Variants in ZBTB1 observed in about 807,000 individuals in gnomAD.
The protein encoded by ZBTB1 is zinc finger and BTB domain-containing protein 1.
ZBTB1 carries 13 observed loss-of-function variants against 51.6 expected under a neutral mutation model. The ratio of observed to expected loss-of-function variants is 0.25; its 90% CI spans 0.16 to 0.40. The LOEUF (loss-of-function observed/expected upper bound fraction) is 0.40, where lower values mean the gene tolerates loss of function less well. ZBTB1 is among the 10% of genes least tolerant of loss of function. The probability of loss-of-function intolerance (pLI) is 1.00; values close to 1 mark genes in which losing one functional copy is unlikely to be tolerated. For synonymous variants in ZBTB1, 240 were observed against 282.2 expected (o/e 0.85, Z 1.50); for missense variants, 567 against 856.5 (o/e 0.66, Z 4.22).
intron 1 of ZBTB1, among the ~76,000 whole-genome samples, chr14:64,517,781 A>ATATATATATATATTTTTTTTTTT (rs1160337478): frequency 4.8e-5 from 2 of 41,550 alleles, no homozygotes; most frequent in Non-Finnish European, 9.2e-5. Flanking sequence ...ATATATATAT[A>ATATATATATATATTTTTTTTTTT]TTTTTTTTTT....
At chr14:64,507,377 G>GT (rs1403957614) in intron 1 of ZBTB1, among the ~76,000 whole-genome samples, 1 of 152,142 alleles carries the variant, frequency 6.6e-6, no homozygotes, top group Non-Finnish European at 1.5e-5. Context: ...AAATGGAAAT[G>GT]TTTTTTATTA....
At chr14:64,531,862 G>T (rs2079944235) in exon 3 of ZBTB1, 1 of 1,613,592 alleles carries the variant, frequency 6.2e-7, no homozygotes, top group African/African-American at 1.3e-5. Context: ...GTGTGGCAGT[G>T]GTGAAATAGG....
At position 64,521,575 on chromosome 14, in the gene ZBTB1, G is replaced by A; in HGVS notation, c.71G>A (p.Cys24Tyr). ...LNNQREWGFL[C>Y]DCCIAIDDIY... ...AACCAAAGAGAATGGGGTTTTCTCT[G>A]TGACTGCTGTATTGCAATTGATGAC... Residue 24 changes from cysteine (C) to tyrosine (Y), a missense_variant, in exon 2 of 2, where the codon TGT becomes TAT. Cys to Tyr is a radical substitution (Grantham distance 194, BLOSUM62 -2). Coordinates refer to ENST00000683701, the MANE Select transcript of ZBTB1 (RefSeq NM_001123329.2). 6.2e-7 allele frequency: 1 copy of A among 1,614,210 alleles called. No individual in the cohort carries two copies. The highest frequency in any genetic ancestry group is 8.5e-7 in the Non-Finnish European group (1 of 1,180,038).
intron 1 of ZBTB1, among the ~76,000 whole-genome samples, chr14:64,513,142 A>G (rs1283306038): frequency 6.6e-6 from 1 of 152,168 alleles, no homozygotes; most frequent in African/African-American, 2.4e-5. Flanking sequence ...ATGGATACAT[A>G]CACAGATATG....
At chr14:64,526,124 AT>A (rs907763610), downstream of ZBTB1, among the ~76,000 whole-genome samples, 3 of 151,540 alleles carry the variant, frequency 2.0e-5, no homozygotes, top group Non-Finnish European at 4.4e-5. Context: ...GGCCACCTCA[AT>A]TTTTTTTTCT....
At chr14:64,513,257 A>G (rs936462319) in intron 1 of ZBTB1, among the ~76,000 whole-genome samples, 2 of 152,046 alleles carry the variant, frequency 1.3e-5, no homozygotes, top group Admixed American at 6.5e-5. Context: ...CCATATGTGT[A>G]TATGTGTAAT....
At chr14:64,520,954 C>T (rs989377851) in intron 1 of ZBTB1, among the ~76,000 whole-genome samples, 2 of 151,780 alleles carry the variant, frequency 1.3e-5, no homozygotes, top group Admixed American at 6.6e-5. Context: ...CTCTACCTGT[C>T]GGGCTCAAGT....
chr14:64,512,864 A>T (rs1275404412), intron 1 of ZBTB1, among the ~76,000 whole-genome samples: 3 of 152,186 alleles, frequency 2.0e-5, no homozygotes, highest in Admixed American at 2.0e-4. Flanking sequence ...GTATTCTAGG[A>T]AAGAATTTTG....
In ZBTB1 at chr14:64,523,189, T is replaced by G. The variant is rs745637862; in HGVS notation, c.1685T>G (p.Phe562Cys). 1 of 1,614,196 alleles carries G rather than the reference T, an allele frequency of 6.2e-7. No homozygotes were observed. ...HMSSCLDQDMFKSAIMEENER... is the reference protein window; with the variant it reads ...HMSSCLDQDMCKSAIMEENER... ...TCTAGCTGCTTAGATCAAGATATGTTTAAGAGTGCCATCATGGAAGAAAAT... is the reference window on the plus strand; with the variant it reads ...TCTAGCTGCTTAGATCAAGATATGTGTAAGAGTGCCATCATGGAAGAAAAT... The change falls in exon 2 of 2, where the codon TTT (phenylalanine) becomes TGT (cysteine). Residue 562 changes from phenylalanine (F) to cysteine (C), a missense_variant. Transcript: ENST00000683701. The surrounding 1 kb of genome is among the most constrained non-coding windows in gnomAD (Gnocchi z 4.5).
chr14:64,517,189 T>C (rs2140135006), intron 1 of ZBTB1, among the ~76,000 whole-genome samples: 1 of 152,332 alleles, frequency 6.6e-6, no homozygotes, highest in African/African-American at 2.4e-5. Context: ...CACGATGCAT[T>C]TTACACATTG....
chr14:64,508,565 A>AC (rs145641280), intron 1 of ZBTB1, among the ~76,000 whole-genome samples: 1,867 of 152,270 alleles, frequency 0.012, 38 homozygotes, highest in African/African-American at 0.044. Context: ...ACAAACTGAA[A>AC]CTTAGGGCTT....
chr14:64,527,758 CAA>C (rs1347188548), downstream of ZBTB1, among the ~76,000 whole-genome samples: 31 of 152,080 alleles, frequency 2.0e-4, no homozygotes, highest in Non-Finnish European at 1.5e-4. Context: ...GGCAACAGAG[CAA>C]GACTCCATCT....
At chr14:64,505,905 C>T (rs2079647884) in intron 1 of ZBTB1, among the ~76,000 whole-genome samples, 2 of 152,144 alleles carry the variant, frequency 1.3e-5, no homozygotes, top group Admixed American at 6.5e-5. Flanking sequence ...ACACTCGAAC[C>T]CAAGGAGTGG....
chr14:64,517,507 GTTTATTA>G (rs980515666), intron 1 of ZBTB1, among the ~76,000 whole-genome samples: 10 of 151,818 alleles, frequency 6.6e-5, no homozygotes, highest in South Asian at 2.1e-4. Context: ...TTACTCTATA[GTTTATTA>G]TTTATTAAAT....
At chr14:64,506,718 G>A (rs1389950394) in intron 1 of ZBTB1, among the ~76,000 whole-genome samples, 1 of 152,182 alleles carries the variant, frequency 6.6e-6, no homozygotes, top group African/African-American at 2.4e-5. Flanking sequence ...AATAACTCAG[G>A]TTGAACAGTC....
intron 1 of ZBTB1, among the ~76,000 whole-genome samples, chr14:64,506,655 C>G (rs540767609): frequency 2.0e-5 from 3 of 152,316 alleles, no homozygotes; most frequent in African/African-American, 7.2e-5. Context: ...CTCTTACATT[C>G]GTTTTATGAG....
At position 64,523,342 on chromosome 14, in the gene ZBTB1, A is replaced by G. The variant is rs1472431841; in HGVS notation, c.1838A>G (p.Lys613Arg). 1.2e-6 allele frequency: 2 copies of G among 1,614,226 alleles called. No homozygotes were observed. The highest frequency in any genetic ancestry group is 1.7e-6 in the Non-Finnish European group (2 of 1,180,030). The stretch of plus-strand genomic sequence containing the variant: ...CAGTTTGTTTGTCAAACATGTGGAA[A>G]GCAGTTTTTAAGAGAGCGTCAGTTG... ...EKQFVCQTCG[K>R]QFLRERQLRL... Residue 613 changes from lysine (K) to arginine (R), a missense_variant, in exon 2 of 2, where the codon AAG (lysine) becomes AGG (arginine). Lys to Arg is a conservative substitution (Grantham distance 26). Coordinates refer to ENST00000683701, the MANE Select transcript of ZBTB1 (RefSeq NM_001123329.2). This position sits in a 1 kb window ranked among gnomAD's most constrained non-coding sequence, Gnocchi z 4.5.
chr14:64,526,862 C>T (rs2079907355), downstream of ZBTB1, among the ~76,000 whole-genome samples: 1 of 151,600 alleles, frequency 6.6e-6, no homozygotes, highest in African/African-American at 2.4e-5. Flanking sequence ...GGCAACATAA[C>T]AAGACCCTAT....
chr14:64,506,192 A>T (rs1435022432), intron 1 of ZBTB1, among the ~76,000 whole-genome samples: 1 of 152,190 alleles, frequency 6.6e-6, no homozygotes, highest in East Asian at 1.9e-4. Flanking sequence ...TCTCAATAAT[A>T]ACTGGATGAC....
Sources: allele counts gnomAD v4.1 joint callset (sites outside exome capture counted in the v4.1 genomes callset), GRCh38; gene constraint gnomAD v4.1.1; non-coding constraint Gnocchi (gnomAD v3.1); transcripts MANE v1.5; gene names NCBI Gene and HGNC (gene_info 2026-07-23, HGNC 2026-07-21).